TENM2: variants seen among roughly 807,000 people sequenced by gnomAD.
TENM2 encodes teneurin transmembrane protein 2.
Under a neutral mutation model 245.2 loss-of-function variants are expected in TENM2, and 52 were observed. That is an observed-to-expected ratio of 0.21 (90% CI 0.17 to 0.27). The LOEUF (loss-of-function observed/expected upper bound fraction) is 0.27. Ranked by LOEUF, TENM2 falls within the 10% of genes least tolerant of loss-of-function variation. The probability of loss-of-function intolerance (pLI) is 1.00; values close to 1 mark genes in which losing one functional copy is unlikely to be tolerated. For missense variants in TENM2, 3,046 were observed against 3,666.8 expected, an observed-to-expected ratio of 0.83 and a Z score of 4.37; for synonymous variants, 1,363 against 1,438.9, an observed-to-expected ratio of 0.95 and a Z score of 1.19.
At chr5:167,872,548 G>GAAAGAAAGAAAA (rs1313191288) in intron 2 of TENM2, among the ~76,000 whole-genome samples, 11 of 65,438 alleles carry the variant, frequency 1.7e-4, no homozygotes, top group African/African-American at 4.4e-4. Context: ...AAGAAAGAAA[G>GAAAGAAAGAAAA]AGAAAGAAAG....
intron 1 of TENM2, chr5:167,296,448 A>T (rs1754953286): frequency 6.6e-6 from 1 of 152,200 alleles, no homozygotes; most frequent in African/African-American, 2.4e-5. Flanking sequence ...TGGTGAATTT[A>T]TTTAGAGAGT....
chr5:168,237,958 C>T (rs866649037), intron 25 of TENM2, among the ~76,000 whole-genome samples: 79 of 151,256 alleles, frequency 5.2e-4, no homozygotes, highest in African/African-American at 1.7e-3. Context: ...TTGGCTAACA[C>T]GGTGAAACCC....
intron 4 of TENM2, among the ~76,000 whole-genome samples, chr5:167,979,250 AG>A (rs1163999868): frequency 6.6e-6 from 1 of 152,182 alleles, no homozygotes; most frequent in African/African-American, 2.4e-5. Context: ...CTCTAGGTGG[AG>A]GGGGATCAAC....
chr5:167,492,101 T>C (rs1768467713), intron 2 of TENM2, among the ~76,000 whole-genome samples: 1 of 152,142 alleles, frequency 6.6e-6, no homozygotes, highest in African/African-American at 2.4e-5. Flanking sequence ...AGAGAAGTTG[T>C]TGAGATAAGC....
Position 167,635,633 on chromosome 5 carries a change from C to CTTTTTT in TENM2, c.503-240329_503-240324dup, listed in dbSNP as rs76155764. ...GGAATCTGGCTATGATCAGTACAGT[C>CTTTTTT]TTTTTTTTTTTTTTTTTTTTTTTTT... On this transcript the variant is annotated intron_variant, in intron 2 of 28. Transcript: ENST00000518659. Among the ~76,000 whole-genome samples, 362 of 74,920 alleles carry CTTTTTT rather than the reference C, an allele frequency of 4.8e-3. 57 individuals carry two copies. The highest frequency in any genetic ancestry group is 0.028 in the East Asian group (47 of 1,708). 49.2% of individuals were successfully genotyped at this position (74,920 alleles called of 152,430 possible).
intron 2 of TENM2, among the ~76,000 whole-genome samples, chr5:167,769,133 C>T (rs1447379319): frequency 6.6e-6 from 1 of 152,204 alleles, no homozygotes; most frequent in Non-Finnish European, 1.5e-5. Flanking sequence ...TTTTTATTGA[C>T]ATCTCTGTCA....
chr5:167,122,543 C>T, the TENM2 span, among the ~76,000 whole-genome samples: 2 of 152,190 alleles, frequency 1.3e-5, no homozygotes, highest in African/African-American at 4.8e-5. Context: ...TAAATCCAGG[C>T]AAATGTGTAA....
chr5:167,423,890 C>T (rs996298204), intron 2 of TENM2, among the ~76,000 whole-genome samples: 17 of 152,154 alleles, frequency 1.1e-4, no homozygotes, highest in Admixed American at 8.5e-4. Context: ...TGGAGACCAT[C>T]GACCATGGCG....
intron 4 of TENM2, among the ~76,000 whole-genome samples, chr5:167,989,738 C>T (rs886106295): frequency 6.6e-6 from 1 of 152,026 alleles, no homozygotes; most frequent in Non-Finnish European, 1.5e-5. Context: ...ATTCATTAAG[C>T]TATTGGATGG....
chr5:167,115,955 A>T, the TENM2 span, among the ~76,000 whole-genome samples: 1 of 152,202 alleles, frequency 6.6e-6, no homozygotes, highest in Non-Finnish European at 1.5e-5. Context: ...GATTGGAATA[A>T]TGACACATGC....
At chr5:167,221,104 A>G in the TENM2 span, among the ~76,000 whole-genome samples, 8 of 152,296 alleles carry the variant, frequency 5.3e-5, no homozygotes, top group African/African-American at 1.9e-4. Context: ...CTGGGATTAC[A>G]GGCATGAACC....
chr5:167,127,631 A>ATT, the TENM2 span, among the ~76,000 whole-genome samples: 13 of 147,296 alleles, frequency 8.8e-5, no homozygotes, highest in African/African-American at 2.9e-4. Context: ...TTTTTTTTAA[A>ATT]AAAAAAAAAG....
chr5:166,979,198 CAGCAG>C, the TENM2 span, among the ~76,000 whole-genome samples: 1,123 of 38,886 alleles, frequency 0.029, 8 homozygotes, highest in Non-Finnish European at 0.088. Context: ...CCACCACCAG[CAGCAG>C]CAGCAGCAGC....
chr5:167,234,138 G>T, the TENM2 span, among the ~76,000 whole-genome samples: 1 of 152,086 alleles, frequency 6.6e-6, no homozygotes, highest in Non-Finnish European at 1.5e-5. Flanking sequence ...TGGTTCCCCC[G>T]AGTTACCAAC....
the TENM2 span, among the ~76,000 whole-genome samples, chr5:167,244,326 A>G: frequency 2.0e-5 from 3 of 152,208 alleles, no homozygotes; most frequent in Admixed American, 2.0e-4. Flanking sequence ...TTTCTATGTA[A>G]TTTACATACC....
intron 2 of TENM2, among the ~76,000 whole-genome samples, chr5:167,655,127 C>A (rs937063755): frequency 6.6e-6 from 1 of 152,020 alleles, no homozygotes; most frequent in Non-Finnish European, 1.5e-5. Context: ...TTGTAAGCAA[C>A]AGAAACTGAC....
intron 2 of TENM2, among the ~76,000 whole-genome samples, chr5:167,818,061 G>A (rs151136246): frequency 2.0e-3 from 311 of 152,260 alleles, no homozygotes; most frequent in Middle Eastern, 6.8e-3. Context: ...CAGCAGCCCT[G>A]TTTTGGGTAT....
chr5:167,677,973 T>C (rs1756447811), intron 2 of TENM2, among the ~76,000 whole-genome samples: 1 of 152,014 alleles, frequency 6.6e-6, no homozygotes, highest in African/African-American at 2.4e-5. Context: ...TAAAATAATA[T>C]GTGACTGCTA....
At chr5:167,055,666 T>C in the TENM2 span, among the ~76,000 whole-genome samples, 1 of 152,102 alleles carries the variant, frequency 6.6e-6, no homozygotes, top group African/African-American at 2.4e-5. Context: ...TTTTTGTCAG[T>C]GCTAATGTAA....
Sources: gnomAD v4.1 joint callset for allele counts (sites outside exome capture counted in the v4.1 genomes callset) on GRCh38, gnomAD v4.1.1 for gene constraint, MANE v1.5 for transcripts, NCBI Gene and HGNC (gene_info 2026-07-23, HGNC 2026-07-21) for gene names.